NOS3: variants seen among roughly 807,000 people sequenced by gnomAD.
The protein encoded by NOS3 is nitric oxide synthase 3.
NOS3 carries 98 observed loss-of-function variants against 144.9 expected under a neutral mutation model. That is an observed-to-expected ratio of 0.68 (90% confidence interval 0.57 to 0.80). The LOEUF (loss-of-function observed/expected upper bound fraction) is 0.80. Among genes scored for constraint, NOS3 ranks in the 30% least tolerant of loss-of-function variants. The pLI, the probability that NOS3 is intolerant of heterozygous loss-of-function variation, is 0.00. For missense variants in NOS3, 1,465 were observed against 1,656.4 expected (o/e 0.88, Z 2.01); for synonymous variants, 714 against 702.4 (o/e 1.02, Z -0.26).
chr7:150,999,511 G>C (rs1795026522), intron 9 of NOS3, 147 bp downstream of exon 9: 3 of 850,860 alleles, frequency 3.5e-6, no homozygotes, highest in East Asian at 2.7e-5. Context: ...ACAAGCTCTA[G>C]AACCACTGAA....
Position 150,995,120 on chromosome 7 carries a change from G to A in NOS3, c.159-83G>A, listed in dbSNP as rs939576688. The A allele has an allele frequency of 8.1e-6, 6 of 737,972 alleles. No individual in the cohort carries two copies. In the African/African-American group the frequency reaches 8.9e-5, roughly 11 times the overall value. 45.7% of individuals were successfully genotyped at this position (737,972 alleles called of 1,614,324 possible). A position where few individuals can be genotyped will look rare whatever the true frequency, so the allele number is the denominator to read the frequency against. On this transcript the variant is annotated intron_variant, in intron 2 of 26. Coordinates refer to ENST00000297494, the MANE Select transcript of NOS3 (RefSeq NM_000603.5). ...GGTGGGCTGTGAGATCGCCAGTGCT[G>A]TAACAGGGGCCTCCGGGTGACATCT...
Position 151,013,780 on chromosome 7 carries a change from G to T in NOS3, c.3312G>T (p.Leu1104=), listed in dbSNP as rs752910597. Reference sequence around the variant, plus strand: ...TGGCTGCGGAGGTGCACCGCGTGCTGTGCCTCGAGCGGGGCCACATGTTTG... The same window carrying T: ...TGGCTGCGGAGGTGCACCGCGTGCTTTGCCTCGAGCGGGGCCACATGTTTG... ...TELAAEVHRV[L]CLERGHMFVC... Residue 1104 remains leucine (L), a synonymous_variant, in exon 26 of 27, where the codon CTG becomes CTT. Coordinates refer to ENST00000297494, the MANE Select transcript of NOS3 (RefSeq NM_000603.5). 6.8e-6 allele frequency: 11 copies of T among 1,611,658 alleles called. No individual in the cohort carries two copies. In the South Asian group the frequency reaches 1.2e-4, roughly 18 times the overall value.
At chr7:151,007,630 A>G (rs1795226356) in intron 17 of NOS3, among the ~76,000 whole-genome samples, 1 of 152,218 alleles carries the variant, frequency 6.6e-6, no homozygotes, top group Non-Finnish European at 1.5e-5. Flanking sequence ...TGGAGGGAGA[A>G]GGAAGGGACA....
At position 150,998,489 on chromosome 7, in the gene NOS3, C is replaced by T; in HGVS notation, c.674+41C>T. 6.2e-7 allele frequency: 1 copy of T among 1,611,346 alleles called. No individual in the cohort carries two copies. The highest frequency in any genetic ancestry group is 8.5e-7 in the Non-Finnish European group (1 of 1,179,322). On this transcript the variant is annotated intron_variant, in intron 6 of 26. Transcript: ENST00000297494. The surrounding 1 kb of genome is among the most constrained non-coding windows in gnomAD (Gnocchi z 5.0). ...CATGCCAGGCCCCAGCCTTCTTCCC[C>T]AAGGCAGGGAAGGCGGGGCTCTGAC...
chr7:150,996,699 G>T (rs1802433974), intron 4 of NOS3, 64 bp from the exon 5 acceptor site: 28 of 1,564,910 alleles, frequency 1.8e-5, no homozygotes, highest in Non-Finnish European at 2.4e-5. Context: ...ACAAAGCCTG[G>T]AGGAGGGCCT....
intron 2 of NOS3, among the ~76,000 whole-genome samples, chr7:150,994,838 T>C (rs749243021): frequency 3.3e-5 from 5 of 152,146 alleles, no homozygotes; most frequent in Non-Finnish European, 7.4e-5. Flanking sequence ...GAGGAATCCC[T>C]GCAGGGCTTC....
At position 151,013,373 on chromosome 7, in the gene NOS3, C is replaced by A. The variant is rs758963869; in HGVS notation, c.3249C>A (p.Asn1083Lys). ...VLTAFSREPD[N>K]PKTYVQDILR... Reference sequence around the variant, plus strand: ...CCGCCTTCTCCCGGGAACCTGACAACCCCAAGGTGTGAGACCCTGAGGGCG... The same window carrying A: ...CCGCCTTCTCCCGGGAACCTGACAAACCCAAGGTGTGAGACCCTGAGGGCG... Residue 1083 changes from asparagine to lysine, a missense_variant, in exon 25 of 27, where the codon AAC becomes AAA. This residue lies in a region of NOS3 where 228 missense variants were observed against 227.7 expected (regional missense o/e 1.00). Coordinates refer to ENST00000297494, the MANE Select transcript of NOS3 (RefSeq NM_000603.5). 1.2e-6 allele frequency: 2 copies of A among 1,612,692 alleles called. No homozygotes were observed. The highest frequency in any genetic ancestry group is 1.7e-6 in the Non-Finnish European group (2 of 1,179,344).
At chr7:151,010,351 T>C (rs1795278413) in intron 21 of NOS3, 64 bp downstream of exon 21, 1 of 1,473,676 alleles carries the variant, frequency 6.8e-7, no homozygotes, top group Non-Finnish European at 9.2e-7. Flanking sequence ...GGGACCCCAG[T>C]GGCAGGAAAC....
intron 9 of NOS3, among the ~76,000 whole-genome samples, chr7:150,999,941 G>C (rs1310419247): frequency 7.3e-6 from 1 of 137,608 alleles, no homozygotes; most frequent in Non-Finnish European, 1.6e-5. Context: ...TGGGTTTGTG[G>C]GGTGTGTAGG....
chr7:151,013,693 C>T, intron 25 of NOS3, 31 bp from the exon 26 acceptor site: 1 of 1,525,754 alleles, frequency 6.6e-7, no homozygotes, highest in Non-Finnish European at 8.9e-7. Flanking sequence ...CCACCCCCAC[C>T]AGGGCCCGCC....
chr7:151,010,207 C>G lies in NOS3; in HGVS notation c.2605C>G (p.Pro869Ala). The change falls in exon 21 of 27, where the codon CCC becomes GCC. Residue 869 changes from proline to alanine, a missense_variant. Physicochemically the swap from Pro to Ala is conservative, Grantham distance 27. This residue lies in a region of NOS3 where 745 missense variants were observed against 853.9 expected (regional missense o/e 0.87). Transcript: ENST00000297494. ...LTFFLDITSP[P>A]SPQLLRLLST... ...CTTCTTCCTGGACATCACCTCCCCA[C>G]CCAGCCCTCAGCTCTTGCGGCTGCT... 6.2e-7 allele frequency: 1 copy of G among 1,612,634 alleles called. No homozygotes were observed. The highest frequency in any genetic ancestry group is 8.5e-7 in the Non-Finnish European group (1 of 1,179,946).
intron 15 of NOS3, 48 bp from the exon 16 acceptor site, chr7:151,006,841 G>T (rs565589518): frequency 6.9e-7 from 1 of 1,458,156 alleles, no homozygotes; most frequent in South Asian, 1.1e-5. Context: ...GGCCTAGCCT[G>T]TATCCCCAGG....
At position 150,999,085 on chromosome 7, in the gene NOS3, C is replaced by G; in HGVS notation, c.956C>G (p.Thr319Arg). Residue 319 changes from threonine (T) to arginine (R), a missense_variant and splice_region_variant, in exon 8 of 27, where the codon ACG becomes AGG. Thr to Arg is a moderately conservative substitution (Grantham distance 71, BLOSUM62 -1). Transcript: ENST00000297494. ...LVLEVPLEHP[T>R]LEWFAALGLR... ...CTTGAGGTGCCCCTGGAGCACCCCA[C>G]GTGAGCACCAAAGGGATTGACTGGG... The G allele has an allele frequency of 6.2e-7, 1 of 1,612,638 alleles. No individual in the cohort carries two copies. Among genetic ancestry groups the G allele is most frequent in the South Asian group, 1.1e-5 (1 of 91,088 alleles).
In NOS3 at chr7:151,003,676, T is replaced by C. The variant is rs992642336; in HGVS notation, c.1752+1372T>C. On this transcript the variant is annotated intron_variant, in intron 14 of 26. Transcript: ENST00000297494. This position sits in a 1 kb window ranked among gnomAD's most constrained non-coding sequence, Gnocchi z 4.1. ...TCCCAGTCTGTCTCCCTGCCAGAAG[T>C]GTCTGTCACCACAGAATAGTTTCGC... is the stretch of plus-strand genomic sequence containing the variant. 2 of 645,226 alleles carry C rather than the reference T, an allele frequency of 3.1e-6. No individual in the cohort carries two copies. Among genetic ancestry groups the C allele is most frequent in the African/African-American group, 3.8e-5 (2 of 53,012 alleles). The allele number at this position is 645,226 out of a possible 1,614,324, so 40.0% of individuals were successfully genotyped here. A position where few individuals can be genotyped will look rare whatever the true frequency, so the allele number is the denominator to read the frequency against.
chr7:151,001,433 C>CCCTAA lies in NOS3; in HGVS notation c.1428+10_1428+14dup. On this transcript the variant is annotated intron_variant, in intron 11 of 26. Coordinates refer to ENST00000297494, the MANE Select transcript of NOS3 (RefSeq NM_000603.5). ...CCGGCCTTCCGCTACCAGGTGCCCA[C>CCCTAA]CCTAACTGGCTCTGCCAGCCTGGGC... 1 of 1,586,722 alleles carries CCCTAA rather than the reference C, an allele frequency of 6.3e-7. No individual in the cohort carries two copies. The highest frequency in any genetic ancestry group is 8.6e-7 in the Non-Finnish European group (1 of 1,164,188).
Position 151,010,801 on chromosome 7 carries a change from A to C in NOS3, c.2890A>C (p.Thr964Pro), listed in dbSNP as rs746881806. The C allele has an allele frequency of 4.5e-5, 72 of 1,611,018 alleles. No homozygotes were observed. Among genetic ancestry groups the C allele is most frequent in the Non-Finnish European group, 5.9e-5 (69 of 1,178,768 alleles). ...HLTVAVLAYRTQDGLGPLHYG... is the reference protein window; with the variant it reads ...HLTVAVLAYRPQDGLGPLHYG... ...CACTGTAGCTGTGCTGGCATACAGG[A>C]CTCAGGGTGAGGCAACAAGCAGGAG... The change falls in exon 22 of 27, where the codon ACT becomes CCT. Residue 964 changes from threonine to proline, a missense_variant. Physicochemically the swap from Thr to Pro is conservative, Grantham distance 38. Coordinates refer to ENST00000297494, the MANE Select transcript of NOS3 (RefSeq NM_000603.5).
At position 150,993,835 on chromosome 7, in the gene NOS3, C is replaced by G; in HGVS notation, c.32C>G (p.Pro11Arg). 6.2e-7 allele frequency: 1 copy of G among 1,600,424 alleles called. No individual in the cohort carries two copies. The highest frequency in any genetic ancestry group is 8.5e-7 in the Non-Finnish European group (1 of 1,176,438). Residue 11 changes from proline (P) to arginine (R), a missense_variant, in exon 2 of 27, where the codon CCT becomes CGT. Around this residue, in one of 5 missense-constraint regions of NOS3, gnomAD observed 374 missense variants for 377.0 expected, o/e 0.99. Transcript: ENST00000297494. This position sits in a 1 kb window ranked among gnomAD's most constrained non-coding sequence, Gnocchi z 4.0. Reference protein sequence around the residue: MGNLKSVAQEPGPPCGLGLGL... With the variant: MGNLKSVAQERGPPCGLGLGL... ...AACTTGAAGAGCGTGGCCCAGGAGCCTGGGCCACCCTGCGGCCTGGGGCTG... is the reference window on the plus strand; with the variant it reads ...AACTTGAAGAGCGTGGCCCAGGAGCGTGGGCCACCCTGCGGCCTGGGGCTG...
In NOS3 at chr7:150,999,065, G is replaced by A; in HGVS notation, c.936G>A (p.Glu312=). Residue 312 remains glutamate, a synonymous_variant, in exon 8 of 27, where the codon GAG becomes GAA. Transcript: ENST00000297494. ...LFLLPPELVL[E]VPLEHPTLEW... is the part of the protein sequence containing the mutation. ...TTCTGCCCCCCGAGCTGGTCCTTGAGGTGCCCCTGGAGCACCCCACGTGAG... is the reference window on the plus strand; with the variant it reads ...TTCTGCCCCCCGAGCTGGTCCTTGAAGTGCCCCTGGAGCACCCCACGTGAG... 3 of 1,612,682 alleles carry A rather than the reference G, an allele frequency of 1.9e-6. No homozygotes were observed. The highest frequency in any genetic ancestry group is 2.5e-6 in the Non-Finnish European group (3 of 1,179,952).
rs920415717 is a variant in NOS3 at position 151,010,127 on chromosome 7, C to G, written c.2525C>G (p.Pro842Arg). Residue 842 changes from proline (P) to arginine (R), a missense_variant, in exon 21 of 27, where the codon CCC becomes CGC. Transcript: ENST00000297494. ...GCACTATCCCCAGGTGGCCCTCCCC[C>G]CGGCTGGGTGCGGGACCCCCGGCTG... is the stretch of plus-strand genomic sequence containing the variant. ...LEKGSPGGPP[P>R]GWVRDPRLPP... 2.5e-6 allele frequency: 4 copies of G among 1,602,980 alleles called. No individual in the cohort carries two copies. The highest frequency in any genetic ancestry group is 2.7e-5 in the African/African-American group (2 of 74,750).
Sources: allele counts gnomAD v4.1 joint callset (sites outside exome capture counted in the v4.1 genomes callset), GRCh38; gene constraint gnomAD v4.1.1; regional missense constraint gnomAD v4.1.1; non-coding constraint Gnocchi (gnomAD v3.1); transcripts MANE v1.5; gene names NCBI Gene and HGNC (gene_info 2026-07-23, HGNC 2026-07-21).